Variants in UBXN2A observed in about 807,000 individuals in gnomAD.
UBXN2A encodes UBX domain protein 2A, also known as UBX domain-containing protein 2A.
In UBXN2A, 28 loss-of-function variants were observed where a neutral mutation model predicts 28.4. The ratio of observed to expected loss-of-function variants is 0.99; its 90% CI spans 0.73 to 1.35. The LOEUF is 1.35. UBXN2A is among the 40% of genes most tolerant of loss of function. UBXN2A has a pLI of 0.00. For missense variants in UBXN2A, 253 were observed against 297.9 expected (o/e 0.85, Z 1.11); for synonymous variants, 97 against 103.6 (o/e 0.94, Z 0.39).
Position 23,971,510 on chromosome 2 carries a change from A to G in UBXN2A, c.180+96A>G, listed in dbSNP as rs1707420661. On this transcript the variant is annotated intron_variant, in intron 3 of 6. Coordinates refer to ENST00000309033, the MANE Select transcript of UBXN2A (RefSeq NM_181713.4). ...TAAGGTCAAAATTGTTTTGTTTGAG[A>G]CAAGGTCTTTCTCTGTCACCCAGAC... is the stretch of plus-strand genomic sequence containing the variant. The G allele has an allele frequency of 1.4e-5, 18 of 1,331,734 alleles. No individual in the cohort carries two copies. In the East Asian group the frequency reaches 3.4e-4, roughly 25 times the overall value. The allele number at this position is 1,331,734 out of a possible 1,614,324, so 82.5% of individuals were successfully genotyped here.
intron 2 of UBXN2A, among the ~76,000 whole-genome samples, chr2:23,968,488 A>G (rs1707265518): frequency 6.6e-6 from 1 of 152,034 alleles, no homozygotes; most frequent in Non-Finnish European, 1.5e-5. Flanking sequence ...CCTGGCTAAC[A>G]TGGTGAAACC....
chr2:23,974,851 C>T (rs1178442983), intron 3 of UBXN2A, among the ~76,000 whole-genome samples: 2 of 152,082 alleles, frequency 1.3e-5, no homozygotes, highest in Non-Finnish European at 2.9e-5. Context: ...TGGTGATGCA[C>T]GCCTGTAATC....
chr2:23,962,876 C>T (rs1029720194), intron 2 of UBXN2A, among the ~76,000 whole-genome samples: 1 of 152,148 alleles, frequency 6.6e-6, no homozygotes, highest in Non-Finnish European at 1.5e-5. Flanking sequence ...TCCCAAAGTG[C>T]TGGGATTACA....
At chr2:23,987,151 A>G (rs541727374) in intron 6 of UBXN2A, among the ~76,000 whole-genome samples, 1 of 152,166 alleles carries the variant, frequency 6.6e-6, no homozygotes, top group South Asian at 2.1e-4. Context: ...TGTCATATAT[A>G]GCATATGTAA....
chr2:23,937,441 T>A (rs769670015), upstream of UBXN2A, among the ~76,000 whole-genome samples: 1 of 152,040 alleles, frequency 6.6e-6, no homozygotes, highest in Non-Finnish European at 1.5e-5. Context: ...TCCTAGCTAC[T>A]CAGGACACTG....
intron 6 of UBXN2A, among the ~76,000 whole-genome samples, chr2:23,997,955 G>A (rs1047569136): frequency 9.9e-5 from 15 of 151,396 alleles, no homozygotes; most frequent in African/African-American, 3.4e-4. Context: ...GGGATTACAG[G>A]TGACCACCAC....
chr2:23,970,224 TAGTG>T (rs1228056830), intron 2 of UBXN2A, among the ~76,000 whole-genome samples: 1 of 152,066 alleles, frequency 6.6e-6, no homozygotes, highest in African/African-American at 2.4e-5. Flanking sequence ...GTTGAGACTG[TAGTG>T]AGCTGAAATT....
intron 1 of UBXN2A, among the ~76,000 whole-genome samples, chr2:23,928,222 GAAAGAAAGAAAGAA>G (rs1160770608): frequency 3.7e-4 from 48 of 131,394 alleles, no homozygotes; most frequent in African/African-American, 1.3e-3. Flanking sequence ...AGAAAGAAAG[GAAAGAAAGAAAGAA>G]AAAGAAAGAA....
intron 1 of UBXN2A, among the ~76,000 whole-genome samples, chr2:23,932,862 G>T (rs2150783564): frequency 6.6e-6 from 1 of 152,124 alleles, no homozygotes; most frequent in South Asian, 2.1e-4. Flanking sequence ...TCCCAGACTT[G>T]GGGAGGCCGA....
intron 1 of UBXN2A, among the ~76,000 whole-genome samples, chr2:23,953,705 G>A (rs1343473556): frequency 6.6e-6 from 1 of 152,120 alleles, no homozygotes; most frequent in Non-Finnish European, 1.5e-5. Flanking sequence ...CATAATATAT[G>A]TGTTGAAGAA....
chr2:23,934,793 G>T (rs981026290), intron 1 of UBXN2A, among the ~76,000 whole-genome samples: 3 of 152,156 alleles, frequency 2.0e-5, no homozygotes, highest in Admixed American at 2.0e-4. Context: ...GAAAAACAAG[G>T]CTGGGTGTGG....
chr2:23,960,685 T>G lies in UBXN2A; in HGVS notation c.41+2330T>G, dbSNP rs536534985. ...TCTCACTCTGTTGCCCAGGCTGGAG[T>G]GCAACGGCGTGATCTTGGCTCACTG... On this transcript the variant is annotated intron_variant, in intron 2 of 6. Transcript: ENST00000309033. 1.3e-4 allele frequency among the ~76,000 whole-genome samples: 20 copies of G among 152,190 alleles called. No individual in the cohort carries two copies. In the East Asian group the frequency reaches 3.5e-3, roughly 26 times the overall value.
intron 4 of UBXN2A, among the ~76,000 whole-genome samples, chr2:23,980,255 A>G (rs1001025155): frequency 6.6e-6 from 1 of 152,150 alleles, no homozygotes; most frequent in African/African-American, 2.4e-5. Context: ...GCTACTATGA[A>G]CATTTATATA....
intron 2 of UBXN2A, among the ~76,000 whole-genome samples, chr2:23,962,502 T>C (rs1250598127): frequency 6.6e-6 from 1 of 151,994 alleles, no homozygotes; most frequent in African/African-American, 2.4e-5. Context: ...AAAAAACTAA[T>C]AATCATAGCA....
chr2:23,942,072 T>A (rs978811182), intron 1 of UBXN2A, among the ~76,000 whole-genome samples: 4 of 152,032 alleles, frequency 2.6e-5, no homozygotes, highest in Non-Finnish European at 5.9e-5. Context: ...AGAGCGGGAC[T>A]CCATCTCAAA....
At chr2:23,944,264 A>G (rs772435963) in intron 1 of UBXN2A, 151 of 1,603,352 alleles carry the variant, frequency 9.4e-5, no homozygotes, top group Non-Finnish European at 1.2e-4. Flanking sequence ...GGGACCTAGG[A>G]AAAGGCCTGA....
chr2:23,984,219 T>G (rs1286823205), intron 5 of UBXN2A, among the ~76,000 whole-genome samples: 1 of 152,186 alleles, frequency 6.6e-6, no homozygotes, highest in East Asian at 1.9e-4. Context: ...TACATATTCA[T>G]CCACACATAC....
At chr2:23,961,750 G>T (rs11125331) in intron 2 of UBXN2A, among the ~76,000 whole-genome samples, 67,262 of 150,066 alleles carry the variant, frequency 0.45, 15,846 homozygotes, top group East Asian at 0.78. Flanking sequence ...GTTTCACCAT[G>T]TTGGCCAGGA....
chr2:23,967,104 C>A (rs1412390622), intron 2 of UBXN2A, among the ~76,000 whole-genome samples: 4 of 152,048 alleles, frequency 2.6e-5, no homozygotes, highest in African/African-American at 9.7e-5. Context: ...CTACTCTACT[C>A]TACTCTTACT....
Sources: allele counts gnomAD v4.1 joint callset (sites outside exome capture counted in the v4.1 genomes callset), GRCh38; gene constraint gnomAD v4.1.1; transcripts MANE v1.5; gene names NCBI Gene and HGNC (gene_info 2026-07-23, HGNC 2026-07-21).